Variants in NEMP1 observed in about 807,000 individuals in gnomAD.
NEMP1 encodes nuclear envelope integral membrane protein 1, also known as transmembrane protein 194.
Under a neutral mutation model 53.7 loss-of-function variants are expected in NEMP1, and 29 were observed. The ratio of observed to expected loss-of-function variants is 0.54; its 90% confidence interval spans 0.40 to 0.74. The LOEUF (loss-of-function observed/expected upper bound fraction) is 0.74. Among genes scored for constraint, NEMP1 ranks in the 30% least tolerant of loss-of-function variants. The pLI, the probability that NEMP1 is intolerant of heterozygous loss-of-function variation, is 0.00. For missense variants in NEMP1, 477 were observed against 528.6 expected (o/e 0.90, Z 0.96); for synonymous variants, 193 against 192.9 (o/e 1.00, Z 0.00).
At chr12:57,084,083 C>G (rs1394277406) in intron 1 of NEMP1, among the ~76,000 whole-genome samples, 1 of 152,216 alleles carries the variant, frequency 6.6e-6, no homozygotes, top group East Asian at 1.9e-4. Context: ...GTGCCTCCAC[C>G]TCCCGAGTAG....
At position 57,056,883 on chromosome 12, in the gene NEMP1, ACAGTGGGACC is replaced by A. The variant is rs1343396341; in HGVS notation, c.*2986_*2995del. 1 of 152,234 alleles carries A rather than the reference ACAGTGGGACC, an allele frequency of 6.6e-6. No homozygotes were observed. The highest frequency in any genetic ancestry group is 6.5e-5 in the Admixed American group (1 of 15,278). 9.4% of individuals were successfully genotyped at this position (152,234 alleles called of 1,614,324 possible). ...ATGGAATCTATTAGCATAAAATGGA[ACAGTGGGACC>A]CAAAGAGCTATCAGCAAAATTCCCT... is the stretch of plus-strand genomic sequence containing the variant. On this transcript the variant is annotated 3_prime_UTR_variant, in exon 9 of 9. Coordinates refer to ENST00000300128, the MANE Select transcript of NEMP1 (RefSeq NM_001130963.2).
intron 1 of NEMP1, among the ~76,000 whole-genome samples, chr12:57,076,082 C>T (rs1381142469): frequency 6.6e-6 from 1 of 151,868 alleles, no homozygotes; most frequent in East Asian, 1.9e-4. Context: ...AGCAAGACTC[C>T]ATCTCAAAAA....
At chr12:57,061,076 C>A (rs2031776671) in intron 7 of NEMP1, 131 bp from the exon 8 acceptor site, 2 of 842,574 alleles carry the variant, frequency 2.4e-6, no homozygotes, top group Admixed American at 3.2e-5. Flanking sequence ...CCTAAAAATT[C>A]CATGGACATC....
chr12:57,068,496 A>G (rs1241323060), intron 4 of NEMP1, among the ~76,000 whole-genome samples: 4 of 152,076 alleles, frequency 2.6e-5, no homozygotes, highest in African/African-American at 4.8e-5. Flanking sequence ...GATCACAGGC[A>G]CATACCACCA....
rs563882223 is a variant in NEMP1, at chr12:57,064,261, T to C, written c.640-76A>G. ...ACATAAAAGAAGCAAAATGGAACTA[T>C]GATTTTTTTTTTAAAAAATTCAACC... On this transcript the variant is annotated intron_variant, in intron 5 of 8. Coordinates refer to ENST00000300128, the MANE Select transcript of NEMP1 (RefSeq NM_001130963.2). 1.9e-5 allele frequency: 17 copies of C among 904,898 alleles called. No homozygotes were observed. The African/African-American group carries it at 2.1e-4, about 11-fold the overall frequency. The allele number at this position is 904,898 out of a possible 1,614,324, so 56.1% of individuals were successfully genotyped here.
At chr12:57,087,500 G>A (rs1222386862) in intron 1 of NEMP1, among the ~76,000 whole-genome samples, 2 of 152,042 alleles carry the variant, frequency 1.3e-5, no homozygotes, top group South Asian at 2.1e-4. Flanking sequence ...GTCCCCAGGG[G>A]AGCCCGTCTA....
intron 8 of NEMP1, among the ~76,000 whole-genome samples, chr12:57,060,461 C>T (rs1283922019): frequency 6.6e-5 from 10 of 152,048 alleles, no homozygotes; most frequent in Admixed American, 6.6e-4. Context: ...GTACATTTGC[C>T]CCCAACTAAA....
chr12:57,078,268 C>T (rs993318915), intron 1 of NEMP1, among the ~76,000 whole-genome samples: 14 of 152,096 alleles, frequency 9.2e-5, no homozygotes, highest in African/African-American at 3.1e-4. Context: ...CTCTGCCTGC[C>T]CAGAATGGTC....
At chr12:57,068,510 C>T (rs1267406207) in intron 4 of NEMP1, among the ~76,000 whole-genome samples, 1 of 152,104 alleles carries the variant, frequency 6.6e-6, no homozygotes, top group Admixed American at 6.6e-5. Flanking sequence ...ACCACCACGT[C>T]CAGCTAATTT....
rs1565658726 is a variant in NEMP1, at chr12:57,064,746, G to A, written c.546-7C>T. ...GTAGTAGAAAATTTGACTTCTGCAGGAAAAAAATGTATTTCATGACCATAT... is the reference window on the plus strand; with the variant it reads ...GTAGTAGAAAATTTGACTTCTGCAGAAAAAAAATGTATTTCATGACCATAT... On this transcript the variant is annotated splice_polypyrimidine_tract_variant and splice_region_variant and intron_variant, in intron 4 of 8. Coordinates refer to ENST00000300128, the MANE Select transcript of NEMP1 (RefSeq NM_001130963.2). The A allele has an allele frequency of 6.2e-7, 1 of 1,600,540 alleles. No individual in the cohort carries two copies. Among genetic ancestry groups the A allele is most frequent in the South Asian group, 1.1e-5 (1 of 89,666 alleles).
chr12:57,076,609 C>A (rs1008963044), intron 1 of NEMP1, among the ~76,000 whole-genome samples: 1 of 150,956 alleles, frequency 6.6e-6, no homozygotes, highest in Non-Finnish European at 1.5e-5. Flanking sequence ...AGTTTGAGAC[C>A]AGCCTGGCCA....
intron 4 of NEMP1, among the ~76,000 whole-genome samples, chr12:57,065,459 AATG>A (rs2032024330): frequency 6.6e-6 from 1 of 151,954 alleles, no homozygotes; most frequent in East Asian, 1.9e-4. Context: ...CACTTTCAAC[AATG>A]ATGTTAGCTA....
Position 57,064,666 on chromosome 12 carries a change from G to A in NEMP1, c.619C>T (p.Leu207=). The part of the protein sequence containing the change: ...VASLLIIIFI[L]SKFMPKKSPI... Reference sequence around the variant, plus strand: ...CTTACCTTAGGCATAAACTTAGATAGTATAAAAATGATGATTAGCAGAGAG... The same window carrying A: ...CTTACCTTAGGCATAAACTTAGATAATATAAAAATGATGATTAGCAGAGAG... Residue 207 remains leucine (L), a synonymous_variant, in exon 5 of 9, where the codon CTA becomes TTA. Coordinates refer to ENST00000300128, the MANE Select transcript of NEMP1 (RefSeq NM_001130963.2). The A allele has an allele frequency of 5.6e-6, 9 of 1,612,276 alleles. No homozygotes were observed. The highest frequency in any genetic ancestry group is 7.6e-6 in the Non-Finnish European group (9 of 1,178,850).
At position 57,066,659 on chromosome 12, in the gene NEMP1, T is replaced by C. The variant is rs367815118; in HGVS notation, c.546-1920A>G. On this transcript the variant is annotated intron_variant, in intron 4 of 8. Transcript: ENST00000300128. Reference sequence around the variant, plus strand: ...ATTGGTTGAGTTGTTAGAACACCCATGACATTTATCGATGAAGTTCACTGT... The same window carrying C: ...ATTGGTTGAGTTGTTAGAACACCCACGACATTTATCGATGAAGTTCACTGT... Among the ~76,000 whole-genome samples, 15 of 152,344 alleles carry C rather than the reference T, an allele frequency of 9.8e-5. No individual in the cohort carries two copies. In the East Asian group the frequency reaches 1.7e-3, roughly 18 times the overall value.
In NEMP1 at chr12:57,057,809, A is replaced by G. The variant is rs2031600912; in HGVS notation, c.*2070T>C. On this transcript the variant is annotated 3_prime_UTR_variant, in exon 9 of 9. Transcript: ENST00000300128. ...TCACAGTGCTTTCTCATTGAAATAA[A>G]GACATGATCAGGAAAAGTCACCCTT... 6.6e-6 allele frequency: 1 copy of G among 152,260 alleles called. No individual in the cohort carries two copies. The highest frequency in any genetic ancestry group is 6.5e-5 in the Admixed American group (1 of 15,284). The allele number at this position is 152,260 out of a possible 1,614,324, so 9.4% of individuals were successfully genotyped here.
chr12:57,077,401 G>C (rs1238536231), intron 1 of NEMP1, among the ~76,000 whole-genome samples: 1 of 151,490 alleles, frequency 6.6e-6, no homozygotes, highest in East Asian at 1.9e-4. Flanking sequence ...AGGAGGCTGA[G>C]GCAGGAGAAT....
At chr12:57,083,209 G>C (rs2032899555), upstream of NEMP1, among the ~76,000 whole-genome samples, 1 of 152,032 alleles carries the variant, frequency 6.6e-6, no homozygotes, top group African/African-American at 2.4e-5. Context: ...AATTTCAGAA[G>C]ATCACTGACC....
At chr12:57,060,500 C>CATT (rs1396248935) in intron 8 of NEMP1, among the ~76,000 whole-genome samples, 1 of 152,180 alleles carries the variant, frequency 6.6e-6, no homozygotes, top group Non-Finnish European at 1.5e-5. Context: ...CCTACCAACT[C>CATT]AGACAGCAAT....
At chr12:57,078,503 C>G (rs1473198899) in intron 1 of NEMP1, 116 bp downstream of exon 1, 2 of 1,400,124 alleles carry the variant, frequency 1.4e-6, no homozygotes, top group Non-Finnish European at 1.9e-6. Flanking sequence ...GCCGGCGGCC[C>G]TCGGTAGAGC....
Sources: gnomAD v4.1 joint callset for allele counts (sites outside exome capture counted in the v4.1 genomes callset) on GRCh38, gnomAD v4.1.1 for gene constraint, MANE v1.5 for transcripts, NCBI Gene and HGNC (gene_info 2026-07-23, HGNC 2026-07-21) for gene names.